Variants in TNS1 observed in about 807,000 individuals in gnomAD.
The protein encoded by TNS1 is tensin 1, also known as tensin-1.
Under a neutral mutation model 168.6 loss-of-function variants are expected in TNS1, and 62 were observed. The observed-to-expected ratio is 0.37, with a 90% confidence interval of 0.30 to 0.45. The LOEUF is 0.45. Ranked by LOEUF, TNS1 falls within the 20% of genes least tolerant of loss-of-function variation. The pLI is 1.00. For missense variants in TNS1, 2,240 were observed against 2,339.4 expected (o/e 0.96, Z 0.88); for synonymous variants, 934 against 933.2 (o/e 1.00, Z -0.02).
In TNS1 at chr2:217,817,789, C is replaced by T. The variant is rs539307477; in HGVS notation, c.4543G>A (p.Val1515Met). 2.5e-6 allele frequency: 4 copies of T among 1,614,242 alleles called. No homozygotes were observed. In the South Asian group the frequency reaches 4.4e-5, roughly 18 times the overall value. The change falls in exon 24 of 33, where the codon GTG becomes ATG. Residue 1515 changes from valine to methionine, a missense_variant. Transcript: ENST00000682258. The stretch of plus-strand genomic sequence containing the variant: ...ATGCCGCTGGCGACAGGCGAAGACA[C>T]CTTCCCATTGATGGTGGCATAGTTG... Reference protein sequence around the residue: ...LPNYATINGKVSSPVASGMSS... With the variant: ...LPNYATINGKMSSPVASGMSS...
intron 1 of TNS1, among the ~76,000 whole-genome samples, chr2:218,015,508 C>A (rs369252326): frequency 6.6e-6 from 1 of 152,158 alleles, no homozygotes; most frequent in African/African-American, 2.4e-5. Flanking sequence ...TAACCTCCAT[C>A]CCCCCTTTCA....
At chr2:217,875,424 T>C (rs1012126093) in intron 18 of TNS1, among the ~76,000 whole-genome samples, 1 of 152,114 alleles carries the variant, frequency 6.6e-6, no homozygotes, top group Non-Finnish European at 1.5e-5. Context: ...AAAGACACAA[T>C]GCTTGAGCTC....
chr2:217,874,287 G>A (rs1400611086), intron 18 of TNS1, among the ~76,000 whole-genome samples: 1 of 152,168 alleles, frequency 6.6e-6, no homozygotes, highest in Non-Finnish European at 1.5e-5. Flanking sequence ...GTTCAGCCCA[G>A]TAAGTACAAA....
At chr2:217,877,730 T>C (rs1054837231) in intron 18 of TNS1, among the ~76,000 whole-genome samples, 3 of 152,048 alleles carry the variant, frequency 2.0e-5, no homozygotes, top group Non-Finnish European at 2.9e-5. Flanking sequence ...CCTGAGATGA[T>C]GGTTAAGTCA....
chr2:217,804,226 C>G lies in TNS1; in HGVS notation c.*233G>C. ...TGGGTTTTTGCAGTTTCCATCTACC[C>G]AGGGGAATCCAAGTTCTTCTCCTCC... On this transcript the variant is annotated 3_prime_UTR_variant, in exon 33 of 33. Coordinates refer to ENST00000682258, the MANE Select transcript of TNS1 (RefSeq NM_001387777.1). The G allele has an allele frequency of 1.8e-6, 1 of 547,872 alleles. No homozygotes were observed. Among genetic ancestry groups the G allele is most frequent in the Admixed American group, 3.4e-5 (1 of 29,466 alleles). 33.9% of individuals were successfully genotyped at this position (547,872 alleles called of 1,614,324 possible). A position where few individuals can be genotyped will look rare whatever the true frequency, so the allele number is the denominator to read the frequency against.
intron 4 of TNS1, among the ~76,000 whole-genome samples, chr2:217,910,611 T>A (rs1954263378): frequency 6.6e-6 from 1 of 151,834 alleles, no homozygotes; most frequent in South Asian, 2.1e-4. Flanking sequence ...CACTGCCTAA[T>A]GAGTCCAGCT....
intron 21 of TNS1, among the ~76,000 whole-genome samples, chr2:217,833,060 A>G (rs1944670566): frequency 6.6e-6 from 1 of 152,210 alleles, no homozygotes; most frequent in South Asian, 2.1e-4. Flanking sequence ...TTGTCAAACC[A>G]ATGGCGGTTG....
upstream of TNS1, among the ~76,000 whole-genome samples, chr2:218,004,372 C>G (rs975182987): frequency 1.1e-4 from 17 of 152,296 alleles, no homozygotes; most frequent in Middle Eastern, 3.4e-3. Flanking sequence ...CCTGCCTCCC[C>G]CCCCCACTCA....
intron 16 of TNS1, 56 bp from the exon 17 acceptor site, chr2:217,882,467 T>C (rs2303383): frequency 0.11 from 135,614 of 1,278,508 alleles, 9,464 homozygotes; most frequent in East Asian, 0.29. Context: ...AAGGATTCCA[T>C]AAAAAGTTTT....
intron 18 of TNS1, chr2:217,850,612 CACACACACACACG>C (rs1947346057): frequency 1.0e-6 from 1 of 971,464 alleles, no homozygotes; most frequent in Non-Finnish European, 1.2e-6. Flanking sequence ...CACACACACA[CACACACACACACG>C]CACGCACGCA....
At chr2:217,838,068 G>A (rs1369082721) in intron 19 of TNS1, among the ~76,000 whole-genome samples, 1 of 152,212 alleles carries the variant, frequency 6.6e-6, no homozygotes, top group Middle Eastern at 3.2e-3. Context: ...GCCCATTTGG[G>A]AGACGCTCTT....
chr2:217,855,418 C>T (rs1405846758), intron 18 of TNS1, among the ~76,000 whole-genome samples: 2 of 152,238 alleles, frequency 1.3e-5, no homozygotes, highest in Non-Finnish European at 2.9e-5. Flanking sequence ...GTCCTCCAGA[C>T]TCAGGTAAAC....
At chr2:217,851,557 C>T (rs1370770170) in intron 18 of TNS1, among the ~76,000 whole-genome samples, 1 of 152,118 alleles carries the variant, frequency 6.6e-6, no homozygotes, top group Non-Finnish European at 1.5e-5. Context: ...GCTTTGGGAC[C>T]TCAGCCAACA....
chr2:217,879,761 G>A (rs75460704), intron 18 of TNS1, among the ~76,000 whole-genome samples: 68 of 152,294 alleles, frequency 4.5e-4, no homozygotes, highest in African/African-American at 1.5e-3. Context: ...ACCTTGGGGA[G>A]GGAGACAGAA....
chr2:217,931,719 C>T (rs1482777368), intron 3 of TNS1, among the ~76,000 whole-genome samples: 3 of 152,232 alleles, frequency 2.0e-5, no homozygotes, highest in Non-Finnish European at 4.4e-5. Context: ...TATGTAGCAT[C>T]ATCAACTGAG....
chr2:217,951,857 C>T (rs1957251195), intron 3 of TNS1, among the ~76,000 whole-genome samples: 1 of 152,248 alleles, frequency 6.6e-6, no homozygotes. Context: ...AGTTTCTGTA[C>T]TCTTCCACAT....
intron 18 of TNS1, among the ~76,000 whole-genome samples, chr2:217,871,052 T>G (rs764497733): frequency 2.6e-5 from 4 of 152,122 alleles, no homozygotes; most frequent in Admixed American, 1.3e-4. Flanking sequence ...GGCCTCTATC[T>G]TGGCCTCTAT....
intron 18 of TNS1, among the ~76,000 whole-genome samples, chr2:217,852,146 A>G (rs568414623): frequency 6.3e-4 from 96 of 152,110 alleles, no homozygotes; most frequent in African/African-American, 1.8e-3. Context: ...CTCCATCTCA[A>G]AAAAAAAGAA....
rs1026809670 is a variant in TNS1, at chr2:217,801,335, A to G, written c.*3124T>C. The G allele has an allele frequency of 6.6e-6, 1 of 152,196 alleles. No individual in the cohort carries two copies. Among genetic ancestry groups the G allele is most frequent in the East Asian group, 1.9e-4 (1 of 5,170 alleles). 9.4% of individuals were successfully genotyped at this position (152,196 alleles called of 1,614,324 possible). ...TTTGGGAAAAAGCCACGTGGAGCTCACTGGGCCCCTCCCCCAGCTGAAGGG... is the reference window on the plus strand; with the variant it reads ...TTTGGGAAAAAGCCACGTGGAGCTCGCTGGGCCCCTCCCCCAGCTGAAGGG... On this transcript the variant is annotated 3_prime_UTR_variant, in exon 33 of 33. Coordinates refer to ENST00000682258, the MANE Select transcript of TNS1 (RefSeq NM_001387777.1).
Sources: allele counts gnomAD v4.1 joint callset (sites outside exome capture counted in the v4.1 genomes callset), GRCh38; gene constraint gnomAD v4.1.1; transcripts MANE v1.5; gene names NCBI Gene and HGNC (gene_info 2026-07-23, HGNC 2026-07-21).